RHBDF2: variants seen among roughly 807,000 people sequenced by gnomAD.
The protein encoded by RHBDF2 is rhomboid 5 homolog 2.
In RHBDF2, 38 loss-of-function variants were observed where a neutral mutation model predicts 95.2. That is an observed-to-expected ratio of 0.40 (90% CI 0.31 to 0.52). The LOEUF is 0.52. Among genes scored for constraint, RHBDF2 ranks in the 20% least tolerant of loss-of-function variants. RHBDF2 has a pLI of 0.56. For synonymous variants in RHBDF2, 442 were observed against 462.0 expected, an observed-to-expected ratio of 0.96 and a Z score of 0.55; for missense variants, 863 against 1,137.7, an observed-to-expected ratio of 0.76 and a Z score of 3.47.
Position 76,471,552 on chromosome 17 carries a change from C to T in RHBDF2, c.*81G>A. ...CTTGGGTCTCTGGCTCTCTGGCACA[C>T]AGAGAGCGCTCTGCAGAGGGCAGCC... On this transcript the variant is annotated 3_prime_UTR_variant, in exon 19 of 19. Coordinates refer to ENST00000675367, the MANE Select transcript of RHBDF2 (RefSeq NM_001005498.4). The T allele has an allele frequency of 1.4e-6, 2 of 1,419,224 alleles. No homozygotes were observed. The highest frequency in any genetic ancestry group is 1.9e-6 in the Non-Finnish European group (2 of 1,067,420). 87.9% of individuals were successfully genotyped at this position (1,419,224 alleles called of 1,614,324 possible). A position where few individuals can be genotyped will look rare whatever the true frequency, so the allele number is the denominator to read the frequency against.
At chr17:76,473,377 T>C in intron 15 of RHBDF2, 50 bp from the exon 16 acceptor site, 1 of 1,480,684 alleles carries the variant, frequency 6.8e-7, no homozygotes, top group South Asian at 1.2e-5. Context: ...GAATAACCAC[T>C]GCCCACCTTT....
intron 1 of RHBDF2, among the ~76,000 whole-genome samples, chr17:76,495,361 C>T (rs563113399): frequency 1.1e-4 from 16 of 152,332 alleles, no homozygotes; most frequent in Middle Eastern, 3.4e-3. Context: ...GGAGCCCACC[C>T]GGTTTCCACC....
rs778412877 is a variant in RHBDF2, at chr17:76,477,288, C to G, written c.812G>C (p.Ser271Thr). 6.2e-7 allele frequency: 1 copy of G among 1,611,684 alleles called. No homozygotes were observed. Among genetic ancestry groups the G allele is most frequent in the South Asian group, 1.1e-5 (1 of 90,696 alleles). Reference sequence around the variant, plus strand: ...CTCAAAGACATCATCAGGCATGGAGCTCATTTCTTCCTGGGGTGGGGGACA... The same window carrying G: ...CTCAAAGACATCATCAGGCATGGAGGTCATTTCTTCCTGGGGTGGGGGACA... ...DSSFFSKEEM[S>T]SMPDDVFESP... The change falls in exon 8 of 19, where the codon AGC becomes ACC. Residue 271 changes from serine to threonine, a missense_variant. By Grantham distance (58) the Ser-to-Thr change is moderately conservative. Transcript: ENST00000675367.
chr17:76,475,740 G>C (rs1450159286), intron 9 of RHBDF2, among the ~76,000 whole-genome samples: 3 of 151,654 alleles, frequency 2.0e-5, no homozygotes, highest in Non-Finnish European at 4.4e-5. Flanking sequence ...CACCATACCT[G>C]CCTAATTTTG....
chr17:76,495,936 G>C (rs1036371703), intron 1 of RHBDF2, among the ~76,000 whole-genome samples: 1 of 152,340 alleles, frequency 6.6e-6, no homozygotes, highest in African/African-American at 2.4e-5. Context: ...GGGGACACCA[G>C]GTTGCTTGTC....
chr17:76,490,074 C>A (rs1252826931), intron 1 of RHBDF2, among the ~76,000 whole-genome samples: 1 of 152,230 alleles, frequency 6.6e-6, no homozygotes, highest in African/African-American at 2.4e-5. Context: ...TGGGGCAAAC[C>A]AGAGGCTGGG....
chr17:76,474,112 C>A lies in RHBDF2; in HGVS notation c.1495G>T (p.Asp499Tyr), dbSNP rs11553545. 4.5e-3 allele frequency: 7,170 copies of A among 1,597,394 alleles called. 25 individuals carry two copies. Among genetic ancestry groups the A allele is most frequent in the Non-Finnish European group, 5.2e-3 (6,057 of 1,172,984 alleles). Residue 499 changes from aspartate to tyrosine, a missense_variant, in exon 13 of 19, where the codon GAT becomes TAT. Asp to Tyr is a radical substitution (Grantham distance 160). Around this residue, in one of 2 missense-constraint regions of RHBDF2, gnomAD observed 611 missense variants for 725.5 expected, o/e 0.84. Coordinates refer to ENST00000675367, the MANE Select transcript of RHBDF2 (RefSeq NM_001005498.4). ...ETLATFVKWQDDTGPPMDKSD... is the reference protein window; with the variant it reads ...ETLATFVKWQYDTGPPMDKSD... Reference sequence around the variant, plus strand: ...TTGTCCATGGGGGGCCCAGTGTCATCCTGCCACTTGACAAAAGTGGCCAAA... The same window carrying A: ...TTGTCCATGGGGGGCCCAGTGTCATACTGCCACTTGACAAAAGTGGCCAAA...
rs765197455 is a variant in RHBDF2, at chr17:76,474,085, A to G, written c.1522T>C (p.Ser508Pro). Residue 508 changes from serine to proline, a missense_variant, in exon 13 of 19, where the codon TCT (serine) becomes CCT (proline). Ser to Pro is a moderately conservative substitution (Grantham distance 74). This residue lies in a region of RHBDF2 where 611 missense variants were observed against 725.5 expected (regional missense o/e 0.84). Coordinates refer to ENST00000675367, the MANE Select transcript of RHBDF2 (RefSeq NM_001005498.4). ...QDDTGPPMDK[S>P]DLGQKRTSGA... ...GAAGTCCGCTTCTGGCCCAGATCAG[A>G]CTTGTCCATGGGGGGCCCAGTGTCA... 1 of 1,611,386 alleles carries G rather than the reference A, an allele frequency of 6.2e-7. No homozygotes were observed. Among genetic ancestry groups the G allele is most frequent in the Non-Finnish European group, 8.5e-7 (1 of 1,179,204 alleles).
At chr17:76,491,403 A>G (rs1045484932) in intron 1 of RHBDF2, among the ~76,000 whole-genome samples, 1 of 151,470 alleles carries the variant, frequency 6.6e-6, no homozygotes. Flanking sequence ...GAGGGAGAGG[A>G]GAGCCTGGTC....
intron 9 of RHBDF2, 26 bp from the exon 10 acceptor site, chr17:76,475,167 T>C: frequency 6.6e-7 from 1 of 1,523,886 alleles, no homozygotes; most frequent in East Asian, 2.4e-5. Context: ...TCGGGTCAGC[T>C]GAGCCGAGCT....
At chr17:76,501,224 CGGGCACT>C (rs1036521433) in intron 1 of RHBDF2, 122 bp downstream of exon 1, 27 of 152,340 alleles carry the variant, frequency 1.8e-4, no homozygotes, top group African/African-American at 6.3e-4. Context: ...GGGCGGGCAC[CGGGCACT>C]GGGCACCCTT....
At chr17:76,488,816 CGG>C (rs2074216514) in intron 1 of RHBDF2, among the ~76,000 whole-genome samples, 1 of 151,398 alleles carries the variant, frequency 6.6e-6, no homozygotes, top group Non-Finnish European at 1.5e-5. Context: ...GGTGTGGTGG[CGG>C]GCGCCTGTAA....
intron 18 of RHBDF2, 68 bp downstream of exon 18, chr17:76,472,618 T>C: frequency 6.3e-7 from 1 of 1,599,486 alleles, no homozygotes; most frequent in Non-Finnish European, 8.6e-7. Context: ...AGATCCCAGG[T>C]GGGTGGAATA....
rs140560049 is a variant in RHBDF2 at position 76,479,158 on chromosome 17, C to T, written c.392G>A (p.Arg131His). Residue 131 changes from arginine to histidine, a missense_variant, in exon 5 of 19, where the codon CGT becomes CAT. Around this residue, in one of 2 missense-constraint regions of RHBDF2, gnomAD observed 611 missense variants for 725.5 expected, o/e 0.84. Transcript: ENST00000675367. ...CTCCTGGCTGGGGAGCTCCAGGTCA[C>T]GCTGGCACGAGGCCTTCAGGCGGCC... ...RYGRLKASCQ[R>H]DLELPSQEAP... 2.5e-4 allele frequency: 407 copies of T among 1,613,090 alleles called. 2 individuals are homozygous for T. In the African/African-American group the frequency reaches 4.8e-3, roughly 19 times the overall value.
chr17:76,480,385 C>T (rs1383278217), intron 3 of RHBDF2, among the ~76,000 whole-genome samples: 1 of 151,338 alleles, frequency 6.6e-6, no homozygotes, highest in African/African-American at 2.4e-5. Flanking sequence ...CCATGCCCGG[C>T]CTATATATAT....
chr17:76,498,707 G>A (rs2074492202), intron 1 of RHBDF2, among the ~76,000 whole-genome samples: 1 of 152,156 alleles, frequency 6.6e-6, no homozygotes, highest in South Asian at 2.1e-4. Flanking sequence ...GGCCCCAAGT[G>A]CGTCACCCAA....
chr17:76,481,218 C>CAGGA (rs1343970169), intron 3 of RHBDF2, among the ~76,000 whole-genome samples, 157 bp downstream of exon 3: 1 of 152,192 alleles, frequency 6.6e-6, no homozygotes, highest in Non-Finnish European at 1.5e-5. Context: ...ATTTCGGGCC[C>CAGGA]AGGAAGGAGG....
chr17:76,481,511 T>C lies in RHBDF2; in HGVS notation c.14A>G (p.Asp5Gly), dbSNP rs1392719360. The change falls in exon 3 of 19, where the codon GAC becomes GGC. Residue 5 changes from aspartate to glycine, a missense_variant. Asp to Gly is a moderately conservative substitution (Grantham distance 94). Transcript: ENST00000675367. MASA[D>G]KNGGSVSSVS... ...AGAGGACACGCTCCCGCCATTCTTG[T>C]CAGCAGAGGCCATTGTGGGCAGGAG... The C allele has an allele frequency of 1.2e-6, 2 of 1,610,082 alleles. No homozygotes were observed. The highest frequency in any genetic ancestry group is 2.2e-5 in the East Asian group (1 of 44,868).
intron 2 of RHBDF2, among the ~76,000 whole-genome samples, chr17:76,483,330 G>A (rs938975620): frequency 6.6e-6 from 1 of 151,730 alleles, no homozygotes; most frequent in African/African-American, 2.4e-5. Context: ...CTGTCACCCA[G>A]ATTGGAGTGC....
Sources: allele counts gnomAD v4.1 joint callset (sites outside exome capture counted in the v4.1 genomes callset), GRCh38; gene constraint gnomAD v4.1.1; regional missense constraint gnomAD v4.1.1; transcripts MANE v1.5; gene names NCBI Gene and HGNC (gene_info 2026-07-23, HGNC 2026-07-21).